TTC3: variants seen among roughly 807,000 people sequenced by gnomAD.
TTC3 encodes the protein E3 ubiquitin-protein ligase TTC3.
In TTC3, 180 loss-of-function variants were observed where a neutral mutation model predicts 249.6. That is an observed-to-expected ratio of 0.72 (90% CI 0.64 to 0.82). The LOEUF (loss-of-function observed/expected upper bound fraction) is 0.82. TTC3 is among the 40% of genes least tolerant of loss of function. The probability of loss-of-function intolerance (pLI) is 0.00; values close to 1 mark genes in which losing one functional copy is unlikely to be tolerated. For synonymous variants in TTC3, 717 were observed against 805.0 expected (o/e 0.89, Z 1.85); for missense variants, 2,061 against 2,398.4 (o/e 0.86, Z 2.94).
chr21:37,087,445 A>G (rs371416089), intron 2 of TTC3, 44 bp downstream of exon 2: 2 of 1,608,174 alleles, frequency 1.2e-6, no homozygotes, highest in South Asian at 1.1e-5. Context: ...TTGTGTATTG[A>G]AGGTTTTCTG....
chr21:37,144,744 C>A lies in TTC3; in HGVS notation c.1893+99C>A, dbSNP rs1389373337. 1.9e-5 allele frequency: 27 copies of A among 1,428,862 alleles called. 1 individual carries two copies. In the South Asian group the frequency reaches 3.7e-4, roughly 20 times the overall value. 88.5% of individuals were successfully genotyped at this position (1,428,862 alleles called of 1,614,324 possible). ...GCGGAGAGGTAGGAGCATTCCATCC[C>A]CACCTCCCTTACACGCATTTCCCCT... is the stretch of plus-strand genomic sequence containing the variant. On this transcript the variant is annotated intron_variant, in intron 21 of 45. Transcript: ENST00000355666.
chr21:37,163,154 C>G (rs1050319856), intron 31 of TTC3, among the ~76,000 whole-genome samples: 2 of 152,166 alleles, frequency 1.3e-5, no homozygotes, highest in African/African-American at 2.4e-5. Flanking sequence ...TTTCAATCCA[C>G]TTATCCTGCC....
chr21:37,119,097 T>C (rs1423522174), intron 11 of TTC3, among the ~76,000 whole-genome samples: 4 of 152,230 alleles, frequency 2.6e-5, no homozygotes, highest in African/African-American at 4.8e-5. Context: ...ATGCCAGATA[T>C]TGTGAATTTT....
chr21:37,086,784 G>C (rs186797463), intron 1 of TTC3: 192 of 161,554 alleles, frequency 1.2e-3, no homozygotes, highest in Admixed American at 2.6e-3. Context: ...TTTAGGTTAG[G>C]CCAGGAGATT....
At chr21:37,186,927 C>T (rs935512022) in intron 37 of TTC3, 122 bp from the exon 38 acceptor site, 13 of 582,898 alleles carry the variant, frequency 2.2e-5, no homozygotes, top group African/African-American at 1.9e-4. Flanking sequence ...TGAGAAACTG[C>T]TCTGGAAGAT....
intron 36 of TTC3, among the ~76,000 whole-genome samples, chr21:37,183,597 CCAGG>C (rs1402383582): frequency 1.4e-4 from 22 of 152,224 alleles, no homozygotes; most frequent in African/African-American, 4.1e-4. Context: ...GCTGGTCTTG[CCAGG>C]AGTCCTCATG....
At chr21:37,091,194 T>C in intron 6 of TTC3, 99 bp from the exon 7 acceptor site, 1 of 1,315,022 alleles carries the variant, frequency 7.6e-7, no homozygotes, top group Non-Finnish European at 1.1e-6. Flanking sequence ...AGTTTTGTAG[T>C]AAGGATCTGA....
intron 34 of TTC3, among the ~76,000 whole-genome samples, chr21:37,172,099 G>A (rs1032061290): frequency 6.6e-6 from 1 of 152,116 alleles, no homozygotes; most frequent in Non-Finnish European, 1.5e-5. Flanking sequence ...TGTTAAGCTG[G>A]TGCAAGAAAT....
At chr21:37,134,209 T>A (rs2077718712) in intron 17 of TTC3, among the ~76,000 whole-genome samples, 1 of 152,102 alleles carries the variant, frequency 6.6e-6, no homozygotes, top group Non-Finnish European at 1.5e-5. Flanking sequence ...CCCAGCATTT[T>A]GGGAGGCCGA....
At chr21:37,160,356 C>T (rs772147083) in intron 29 of TTC3, among the ~76,000 whole-genome samples, 2 of 152,304 alleles carry the variant, frequency 1.3e-5, no homozygotes, top group East Asian at 1.9e-4. Flanking sequence ...TATTGCCCAG[C>T]TAAGCAGGGA....
At position 37,192,178 on chromosome 21, in the gene TTC3, C is replaced by T. The variant is rs747625872; in HGVS notation, c.5182C>T (p.Gln1728Ter). 6 of 1,608,784 alleles carry T rather than the reference C, an allele frequency of 3.7e-6. No individual in the cohort carries two copies. The South Asian group carries it at 6.7e-5, about 18-fold the overall frequency. ...TCGGCTCAGTGAACTTTCTAAAGTGCAGATTTCTGAGCTTTCATTTCCTGC... is the reference window on the plus strand; with the variant it reads ...TCGGCTCAGTGAACTTTCTAAAGTGTAGATTTCTGAGCTTTCATTTCCTGC... The change falls in exon 41 of 46, where the codon CAG becomes TAG. Residue 1728 changes from glutamine (Q) to a stop codon, truncating the protein, a stop_gained. Transcript: ENST00000355666. LOFTEE classifies it high-confidence loss of function.
exon 28 of TTC3, chr21:37,156,784 TTGA>T (rs772317997): frequency 1.2e-6 from 2 of 1,614,126 alleles, no homozygotes; most frequent in Admixed American, 3.3e-5. Context: ...GGAAAGCAAC[TTGA>T]TTATTTCTCT....
At chr21:37,139,251 A>G (rs1476565366) in intron 19 of TTC3, among the ~76,000 whole-genome samples, 1 of 152,152 alleles carries the variant, frequency 6.6e-6, no homozygotes, top group East Asian at 1.9e-4. Flanking sequence ...TCTTATTTGT[A>G]CGTAGAAAGT....
chr21:37,166,681 C>T (rs1045857824), intron 33 of TTC3, 66 bp downstream of exon 33: 42 of 1,485,092 alleles, frequency 2.8e-5, no homozygotes, highest in Middle Eastern at 1.9e-4. Flanking sequence ...TTTTCATTGC[C>T]GTTATATTTG....
chr21:37,182,006 AT>A, intron 35 of TTC3, among the ~76,000 whole-genome samples: 1 of 152,312 alleles, frequency 6.6e-6, no homozygotes, highest in South Asian at 2.1e-4. Flanking sequence ...TAATAGTGAG[AT>A]TTTAAACTAG....
At chr21:37,091,395 A>G in exon 7 of TTC3, 1 of 1,609,016 alleles carries the variant, frequency 6.2e-7, no homozygotes, top group Non-Finnish European at 8.5e-7. Flanking sequence ...GCCTATGTTA[A>G]GTATTTTCTT....
intron 27 of TTC3, 60 bp from the exon 28 acceptor site, chr21:37,156,595 T>A: frequency 6.5e-7 from 1 of 1,546,314 alleles, no homozygotes; most frequent in Non-Finnish European, 8.7e-7. Context: ...TGAAACTAAA[T>A]GTGATTTTAC....
At chr21:37,170,976 A>C (rs982966743) in intron 34 of TTC3, among the ~76,000 whole-genome samples, 1 of 152,214 alleles carries the variant, frequency 6.6e-6, no homozygotes, top group Non-Finnish European at 1.5e-5. Context: ...CAATTAATAT[A>C]TTGTAGACTT....
chr21:37,202,514 A>C (rs2085588619), exon 46 of TTC3: 1 of 152,314 alleles, frequency 6.6e-6, no homozygotes, highest in Admixed American at 6.5e-5. Context: ...CAAAAAGAGA[A>C]GCTGTGTCTT....
Sources: gnomAD v4.1 joint callset for allele counts (sites outside exome capture counted in the v4.1 genomes callset) on GRCh38, gnomAD v4.1.1 for gene constraint, MANE v1.5 for transcripts, NCBI Gene and HGNC (gene_info 2026-07-23, HGNC 2026-07-21) for gene names.